The following LRRC37A2 variants were observed in gnomAD, a reference collection of about 807,000 sequenced individuals.
The protein encoded by LRRC37A2 is leucine-rich repeat-containing protein 37A2.
LRRC37A2 carries 9 observed loss-of-function variants against 68.8 expected under a neutral mutation model. That is an observed-to-expected ratio of 0.13 (90% confidence interval 0.08 to 0.23). LRRC37A2 has a LOEUF of 0.23. Among genes scored for constraint, LRRC37A2 ranks in the 10% least tolerant of loss-of-function variants. The pLI is 1.00. For synonymous variants in LRRC37A2, 63 were observed against 367.6 expected (o/e 0.17, Z 9.48); for missense variants, 168 against 950.4 (o/e 0.18, Z 10.82).
chr17:46,959,326 A>G, the LRRC37A2 span, among the ~76,000 whole-genome samples: 3 of 152,234 alleles, frequency 2.0e-5, no homozygotes, highest in South Asian at 2.1e-4. Flanking sequence ...TTGGAGTAAC[A>G]TAAATCCAAC....
the LRRC37A2 span, among the ~76,000 whole-genome samples, chr17:46,400,378 TCAAA>T: frequency 1.1e-5 from 1 of 91,846 alleles, no homozygotes; most frequent in East Asian, 2.7e-4. Flanking sequence ...AAAAGCTGAA[TCAAA>T]CAGTGTCCAA....
chr17:46,569,349 TTA>T, the LRRC37A2 span, among the ~76,000 whole-genome samples: 35 of 147,004 alleles, frequency 2.4e-4, no homozygotes, highest in African/African-American at 3.1e-4. Flanking sequence ...CATGAAGATT[TTA>T]TATATATATA....
the LRRC37A2 span, among the ~76,000 whole-genome samples, chr17:47,041,452 C>CTTTT: frequency 1.1e-4 from 4 of 36,478 alleles, no homozygotes; most frequent in Non-Finnish European, 2.0e-4. Flanking sequence ...TTGGATGTCT[C>CTTTT]TTTTTTTTTT....
At chr17:46,786,947 T>C in the LRRC37A2 span, among the ~76,000 whole-genome samples, 4 of 151,684 alleles carry the variant, frequency 2.6e-5, no homozygotes, top group East Asian at 7.7e-4. Flanking sequence ...TTTTCTTTTT[T>C]TTTTTTTTGA....
chr17:46,687,316 G>T, the LRRC37A2 span, among the ~76,000 whole-genome samples: 12 of 144,882 alleles, frequency 8.3e-5, no homozygotes, highest in East Asian at 4.1e-4. Flanking sequence ...TTATTCAGTT[G>T]TGTATATCTT....
At chr17:46,774,431 G>A in the LRRC37A2 span, among the ~76,000 whole-genome samples, 1 of 152,214 alleles carries the variant, frequency 6.6e-6, no homozygotes, top group Non-Finnish European at 1.5e-5. Context: ...CCAGCCCAGA[G>A]CCTCCCAGTA....
At chr17:46,730,187 A>T in the LRRC37A2 span, among the ~76,000 whole-genome samples, 3 of 152,166 alleles carry the variant, frequency 2.0e-5, no homozygotes, top group South Asian at 6.2e-4. Flanking sequence ...AACAGAAATA[A>T]TTACCCCCAA....
the LRRC37A2 span, among the ~76,000 whole-genome samples, chr17:46,424,676 A>G: frequency 8.7e-6 from 1 of 114,486 alleles, no homozygotes; most frequent in African/African-American, 2.9e-5. Flanking sequence ...ATATTTTAAT[A>G]CATGTATACA....
At chr17:46,953,681 C>T in the LRRC37A2 span, among the ~76,000 whole-genome samples, 1 of 152,168 alleles carries the variant, frequency 6.6e-6, no homozygotes, top group African/African-American at 2.4e-5. Flanking sequence ...AAAAGTGTTC[C>T]TATTTCTCTC....
chr17:46,758,254 G>A, the LRRC37A2 span, among the ~76,000 whole-genome samples: 1 of 152,198 alleles, frequency 6.6e-6, no homozygotes, highest in Admixed American at 6.5e-5. Context: ...TAGGACAGGA[G>A]GCAGCTCAGA....
chr17:46,548,209 G>A, intron 9 of LRRC37A2, 103 bp from the exon 9 acceptor site: 1 of 276,166 alleles, frequency 3.6e-6, no homozygotes, highest in African/African-American at 1.6e-4. Flanking sequence ...GCACTCGAAT[G>A]TTTGCTGACT....
the LRRC37A2 span, among the ~76,000 whole-genome samples, chr17:46,856,110 T>A: frequency 6.6e-6 from 1 of 152,350 alleles, no homozygotes; most frequent in South Asian, 2.1e-4. Context: ...TCTGCACTGG[T>A]TGAGTTTCTT....
chr17:46,849,218 A>G, the LRRC37A2 span, among the ~76,000 whole-genome samples: 1 of 152,262 alleles, frequency 6.6e-6, no homozygotes, highest in Non-Finnish European at 1.5e-5. Flanking sequence ...CTCACTCTCC[A>G]GCCACTGATG....
At chr17:46,961,900 GATT>G in the LRRC37A2 span, among the ~76,000 whole-genome samples, 1 of 152,192 alleles carries the variant, frequency 6.6e-6, no homozygotes, top group Non-Finnish European at 1.5e-5. Flanking sequence ...TACCCTAGGG[GATT>G]ATAGTTAGGG....
the LRRC37A2 span, among the ~76,000 whole-genome samples, chr17:46,804,740 T>TA: frequency 6.6e-6 from 1 of 152,076 alleles, no homozygotes; most frequent in Non-Finnish European, 1.5e-5. Context: ...TTGGAGAACT[T>TA]TTCTGTCTTA....
chr17:46,872,480 C>G, the LRRC37A2 span: 1 of 1,456,956 alleles, frequency 6.9e-7, no homozygotes. Flanking sequence ...CCACCATCCC[C>G]AAGGCTCACC....
At chr17:47,044,222 T>G in the LRRC37A2 span, among the ~76,000 whole-genome samples, 1 of 150,578 alleles carries the variant, frequency 6.6e-6, no homozygotes, top group East Asian at 1.9e-4. Context: ...CCACTTTTTT[T>G]TTCCTTGTAG....
At chr17:46,404,798 A>G in the LRRC37A2 span, among the ~76,000 whole-genome samples, 2 of 92,568 alleles carry the variant, frequency 2.2e-5, 1 homozygote, top group African/African-American at 6.8e-5. Flanking sequence ...TGAACCCGGG[A>G]GGCGGAGCTT....
At chr17:46,846,778 G>T in the LRRC37A2 span, among the ~76,000 whole-genome samples, 1 of 152,250 alleles carries the variant, frequency 6.6e-6, no homozygotes, top group Non-Finnish European at 1.5e-5. Flanking sequence ...AGAGTTCTGT[G>T]AGGAAGAAGA....
Sources: gnomAD v4.1 joint callset for allele counts (sites outside exome capture counted in the v4.1 genomes callset) on GRCh38, gnomAD v4.1.1 for gene constraint, MANE v1.5 for transcripts, NCBI Gene and HGNC (gene_info 2026-07-23, HGNC 2026-07-21) for gene names.